Variants in CHSY1 observed in about 807,000 individuals in gnomAD.
CHSY1 encodes the protein chondroitin sulfate synthase 1.
CHSY1 carries 13 observed loss-of-function variants against 59.8 expected under a neutral mutation model. That is an observed-to-expected ratio of 0.22 (90% CI 0.14 to 0.35). CHSY1 has a LOEUF of 0.35. Among genes scored for constraint, CHSY1 ranks in the 10% least tolerant of loss-of-function variants. CHSY1 has a pLI of 1.00. For missense variants in CHSY1, 947 were observed against 1,030.6 expected (o/e 0.92, Z 1.11); for synonymous variants, 459 against 401.2 (o/e 1.14, Z -1.72).
At chr15:101,204,152 G>A (rs980643511) in intron 2 of CHSY1, among the ~76,000 whole-genome samples, 1 of 152,144 alleles carries the variant, frequency 6.6e-6, no homozygotes, top group African/African-American at 2.4e-5. Context: ...ACTAATGTAG[G>A]CCGGGCACAG....
chr15:101,206,006 T>C lies in CHSY1; in HGVS notation c.817-27026A>G, dbSNP rs141741630. On this transcript the variant is annotated intron_variant, in intron 2 of 2. Transcript: ENST00000254190. ...TTTGCTCTACCCCATGATCCTGGTA[T>C]GGTAGTGTTTTCTATTTCAAGTTCC... Among the ~76,000 whole-genome samples, 158 of 152,196 alleles carry C rather than the reference T, an allele frequency of 1.0e-3. 2 individuals carry two copies. In the East Asian group the frequency reaches 0.027, roughly 26 times the overall value.
chr15:101,234,371 T>C (rs1308252389), intron 2 of CHSY1, among the ~76,000 whole-genome samples: 1 of 152,098 alleles, frequency 6.6e-6, no homozygotes, highest in African/African-American at 2.4e-5. Flanking sequence ...GTGTAGGTCA[T>C]TATGACCAGA....
intron 2 of CHSY1, among the ~76,000 whole-genome samples, chr15:101,198,056 T>A (rs1212400494): frequency 6.6e-6 from 1 of 152,112 alleles, no homozygotes; most frequent in African/African-American, 2.4e-5. Flanking sequence ...GGTGACAGAC[T>A]GTGGTCTGAC....
chr15:101,236,144 G>A (rs1253546447), intron 1 of CHSY1, among the ~76,000 whole-genome samples: 1 of 152,150 alleles, frequency 6.6e-6, no homozygotes, highest in Non-Finnish European at 1.5e-5. Flanking sequence ...GACATGAGCT[G>A]AACCAACAGA....
chr15:101,180,757 A>G (rs1170589677), intron 2 of CHSY1, among the ~76,000 whole-genome samples: 1 of 152,186 alleles, frequency 6.6e-6, no homozygotes, highest in African/African-American at 2.4e-5. Flanking sequence ...AACAACATGA[A>G]GATAAAGGCC....
At position 101,176,630 on chromosome 15, in the gene CHSY1, C is replaced by G; in HGVS notation, c.*758G>C. 1 of 371,548 alleles carries G rather than the reference C, an allele frequency of 2.7e-6. No individual in the cohort carries two copies. Among genetic ancestry groups the G allele is most frequent in the East Asian group, 3.8e-5 (1 of 25,986 alleles). 23.0% of individuals were successfully genotyped at this position (371,548 alleles called of 1,614,324 possible). On this transcript the variant is annotated 3_prime_UTR_variant, in exon 3 of 3. Transcript: ENST00000254190. ...CTTGCATGGTGAAACCCCGTCTCTACTAAAAATACAAAAAAACTAGCTGGG... is the reference window on the plus strand; with the variant it reads ...CTTGCATGGTGAAACCCCGTCTCTAGTAAAAATACAAAAAAACTAGCTGGG...
chr15:101,212,465 G>A (rs528736690), intron 2 of CHSY1, among the ~76,000 whole-genome samples: 56 of 152,294 alleles, frequency 3.7e-4, no homozygotes, highest in African/African-American at 1.3e-3. Flanking sequence ...TGATACACAC[G>A]ACTGTATGGA....
In CHSY1 at chr15:101,251,531, G is replaced by T; in HGVS notation, c.-75C>A. The T allele has an allele frequency of 4.2e-6, 1 of 238,522 alleles. No homozygotes were observed. The highest frequency in any genetic ancestry group is 6.2e-6 in the Non-Finnish European group (1 of 160,108). 14.8% of individuals were successfully genotyped at this position (238,522 alleles called of 1,614,324 possible). A position where few individuals can be genotyped will look rare whatever the true frequency, so the allele number is the denominator to read the frequency against. ...TCAGCCCGCTGCCCCCGCCCGCGGA[G>T]GCCAGCCCGCCCTAGCGCCGCGAGG... is the stretch of plus-strand genomic sequence containing the variant. On this transcript the variant is annotated 5_prime_UTR_variant, in exon 1 of 3. Coordinates refer to ENST00000254190, the MANE Select transcript of CHSY1 (RefSeq NM_014918.5).
At chr15:101,190,746 A>C (rs1220038354) in intron 2 of CHSY1, among the ~76,000 whole-genome samples, 1 of 152,252 alleles carries the variant, frequency 6.6e-6, no homozygotes, top group Non-Finnish European at 1.5e-5. Context: ...TAAACTCAAA[A>C]ATAGGAAAAC....
At chr15:101,201,296 G>T (rs1039796401) in intron 2 of CHSY1, among the ~76,000 whole-genome samples, 4 of 152,206 alleles carry the variant, frequency 2.6e-5, no homozygotes, top group African/African-American at 4.8e-5. Context: ...GAGGCTGGTG[G>T]TTAAAGAAGG....
chr15:101,240,444 T>G (rs2038990686), intron 1 of CHSY1, among the ~76,000 whole-genome samples: 1 of 152,230 alleles, frequency 6.6e-6, no homozygotes. Context: ...AGCAAAGAAC[T>G]CTCACTTAAT....
At chr15:101,203,996 T>C (rs1223288403) in intron 2 of CHSY1, among the ~76,000 whole-genome samples, 1 of 152,244 alleles carries the variant, frequency 6.6e-6, no homozygotes, top group African/African-American at 2.4e-5. Context: ...GTAGATTACA[T>C]AACTGTGCTG....
At chr15:101,179,264 T>A (rs909876525) in intron 2 of CHSY1, among the ~76,000 whole-genome samples, 1 of 152,078 alleles carries the variant, frequency 6.6e-6, no homozygotes, top group East Asian at 1.9e-4. Flanking sequence ...AAAATTGAGA[T>A]CACAGTGCAC....
rs778545156 is a variant in CHSY1, at chr15:101,235,419, T to A, written c.479A>T (p.Tyr160Phe). Residue 160 changes from tyrosine to phenylalanine, a missense_variant, in exon 2 of 3, where the codon TAC becomes TTC. Around this residue, in one of 4 missense-constraint regions of CHSY1, gnomAD observed 108 missense variants for 144.4 expected, o/e 0.75. Transcript: ENST00000254190. Reference sequence around the variant, plus strand: ...CATAAACCATTCATACTTGTCCAAGTAGTGGTCGTGCATGTACTTGAGCAT... The same window carrying A: ...CATAAACCATTCATACTTGTCCAAGAAGTGGTCGTGCATGTACTTGAGCAT... ...FMMLKYMHDH[Y>F]LDKYEWFMRA... 4.8e-5 allele frequency: 78 copies of A among 1,614,044 alleles called. No individual in the cohort carries two copies. In the Admixed American group the frequency reaches 1.3e-3, roughly 27 times the overall value.
chr15:101,189,107 TAC>T (rs2038410061), intron 2 of CHSY1, among the ~76,000 whole-genome samples: 1 of 152,182 alleles, frequency 6.6e-6, no homozygotes, highest in Admixed American at 6.5e-5. Context: ...AAATGTCACG[TAC>T]AGAGAAGAAA....
intron 2 of CHSY1, among the ~76,000 whole-genome samples, chr15:101,214,561 T>C (rs1347504701): frequency 1.3e-5 from 2 of 152,242 alleles, no homozygotes; most frequent in East Asian, 3.8e-4. Context: ...ACAGCTTGGA[T>C]CTGTGTTTCC....
Position 101,178,477 on chromosome 15 carries a change from G to A in CHSY1, c.1320C>T (p.Asn440=). 1 of 1,614,220 alleles carries A rather than the reference G, an allele frequency of 6.2e-7. No individual in the cohort carries two copies. Among genetic ancestry groups the A allele is most frequent in the Non-Finnish European group, 8.5e-7 (1 of 1,180,046 alleles). ...KEIQYGYRRV[N]PMYGAEYILD... ...GGATGTACTCAGCCCCATACATGGG[G>A]TTCACCCGGCGGTAGCCGTACTGGA... The change falls in exon 3 of 3, where the codon AAC becomes AAT. Residue 440 remains asparagine, a synonymous_variant. Coordinates refer to ENST00000254190, the MANE Select transcript of CHSY1 (RefSeq NM_014918.5).
At chr15:101,203,217 C>G (rs1009510604) in intron 2 of CHSY1, among the ~76,000 whole-genome samples, 2 of 152,178 alleles carry the variant, frequency 1.3e-5, no homozygotes, top group African/African-American at 4.8e-5. Context: ...GCAGCGTGGG[C>G]GCCCACAGCA....
chr15:101,205,163 A>G (rs1263141505), intron 2 of CHSY1, among the ~76,000 whole-genome samples: 2 of 152,062 alleles, frequency 1.3e-5, no homozygotes, highest in Admixed American at 1.3e-4. Flanking sequence ...CTTTTTTTAA[A>G]GTAATCAACA....
Sources: gnomAD v4.1 joint callset for allele counts (sites outside exome capture counted in the v4.1 genomes callset) on GRCh38, gnomAD v4.1.1 for gene constraint, gnomAD v4.1.1 regional missense constraint, MANE v1.5 for transcripts, NCBI Gene and HGNC (gene_info 2026-07-23, HGNC 2026-07-21) for gene names.